Variants in NRG3 observed in about 807,000 individuals in gnomAD.
NRG3 encodes pro-neuregulin-3, membrane-bound isoform.
In NRG3, 31 loss-of-function variants were observed where a neutral mutation model predicts 66.9. That is an observed-to-expected ratio of 0.46 (90% confidence interval 0.35 to 0.63). The LOEUF (loss-of-function observed/expected upper bound fraction) is 0.63, where lower values mean the gene tolerates loss of function less well. NRG3 is among the 20% of genes least tolerant of loss of function. The pLI, the probability that NRG3 is intolerant of heterozygous loss-of-function variation, is 0.00. For missense variants in NRG3, 910 were observed against 878.9 expected (o/e 1.04, Z -0.45); for synonymous variants, 393 against 359.4 (o/e 1.09, Z -1.06).
At chr10:82,148,367 C>T (rs1016266908) in intron 1 of NRG3, among the ~76,000 whole-genome samples, 3 of 152,094 alleles carry the variant, frequency 2.0e-5, no homozygotes, top group Admixed American at 1.3e-4. Flanking sequence ...AAATATCACT[C>T]ATATTTTAGT....
intron 3 of NRG3, among the ~76,000 whole-genome samples, chr10:82,814,876 A>T (rs1319309220): frequency 3.3e-5 from 5 of 152,192 alleles, no homozygotes; most frequent in African/African-American, 9.7e-5. Flanking sequence ...TTTAATCCTC[A>T]CAACTCTGTG....
chr10:82,387,770 G>A (rs892222834), intron 2 of NRG3, among the ~76,000 whole-genome samples: 1 of 152,104 alleles, frequency 6.6e-6, no homozygotes, highest in African/African-American at 2.4e-5. Flanking sequence ...GTAAGTTCAT[G>A]ATTAAATCAA....
At chr10:82,121,534 C>T (rs370675790) in intron 1 of NRG3, among the ~76,000 whole-genome samples, 6 of 152,126 alleles carry the variant, frequency 3.9e-5, no homozygotes, top group Non-Finnish European at 5.9e-5. Flanking sequence ...ATTAGGATTG[C>T]GTGTCCTCTG....
At chr10:82,397,550 C>G (rs2086791829) in intron 2 of NRG3, among the ~76,000 whole-genome samples, 1 of 152,010 alleles carries the variant, frequency 6.6e-6, no homozygotes, top group African/African-American at 2.4e-5. Context: ...TCTGCTTGTC[C>G]CATTCAGTAT....
intron 2 of NRG3, among the ~76,000 whole-genome samples, chr10:82,698,671 C>T (rs754816483): frequency 3.3e-5 from 5 of 152,072 alleles, no homozygotes; most frequent in Non-Finnish European, 7.4e-5. Context: ...ACTTACCAAA[C>T]CTTTTGGAGT....
chr10:81,967,195 A>G (rs2059764233), intron 1 of NRG3, among the ~76,000 whole-genome samples: 1 of 151,898 alleles, frequency 6.6e-6, no homozygotes, highest in African/African-American at 2.4e-5. Flanking sequence ...TATAATTCAT[A>G]GGTGTTAAGT....
intron 3 of NRG3, among the ~76,000 whole-genome samples, chr10:82,835,954 T>G (rs2062753742): frequency 6.6e-6 from 1 of 152,154 alleles, no homozygotes; most frequent in African/African-American, 2.4e-5. Context: ...AAGGACTGTT[T>G]AGAGCGAGGG....
chr10:82,714,312 AT>A (rs1263856682), intron 2 of NRG3, among the ~76,000 whole-genome samples: 1 of 152,136 alleles, frequency 6.6e-6, no homozygotes, highest in African/African-American at 2.4e-5. Flanking sequence ...TTAAAAAAAA[AT>A]GTGGATGGAT....
At chr10:82,804,732 C>T (rs1045281034) in intron 3 of NRG3, among the ~76,000 whole-genome samples, 4 of 152,160 alleles carry the variant, frequency 2.6e-5, no homozygotes, top group Non-Finnish European at 4.4e-5. Flanking sequence ...CATCCAGACA[C>T]CACTTTCTTG....
intron 2 of NRG3, among the ~76,000 whole-genome samples, chr10:82,716,311 C>G (rs995410471): frequency 4.6e-5 from 7 of 152,106 alleles, no homozygotes; most frequent in Admixed American, 4.6e-4. Context: ...ATACACATAT[C>G]TCATCTATAT....
intron 2 of NRG3, among the ~76,000 whole-genome samples, chr10:82,715,677 G>A (rs969411188): frequency 1.1e-4 from 17 of 152,230 alleles, no homozygotes; most frequent in East Asian, 3.9e-4. Flanking sequence ...TATTTTAAAC[G>A]AATTTGTGTC....
At position 82,724,549 on chromosome 10, in the gene NRG3, G is replaced by A. The variant is rs561401216; in HGVS notation, c.954-14028G>A. ...TGGCAACTCTAGGGGTTTCTAAAAT[G>A]CCTTGTAGAAAAATCATGTTTCATG... On this transcript the variant is annotated intron_variant, in intron 2 of 8. Transcript: ENST00000372141. Among the ~76,000 whole-genome samples, 31 of 152,254 alleles carry A rather than the reference G, an allele frequency of 2.0e-4. No individual in the cohort carries two copies. In the South Asian group the frequency reaches 6.4e-3, roughly 32 times the overall value.
At chr10:82,056,088 A>T (rs2207766) in intron 1 of NRG3, among the ~76,000 whole-genome samples, 135,617 of 152,188 alleles carry the variant, frequency 0.89, 60,846 homozygotes, top group Middle Eastern at 0.98. Flanking sequence ...TGTGCCTTTT[A>T]AAAAATTTTG....
chr10:81,902,006 C>T (rs538187530), intron 1 of NRG3, among the ~76,000 whole-genome samples: 4 of 152,228 alleles, frequency 2.6e-5, no homozygotes, highest in African/African-American at 9.6e-5. Context: ...TAACTTCCTG[C>T]CTATATAAGG....
intron 1 of NRG3, among the ~76,000 whole-genome samples, chr10:82,017,307 G>A (rs1425288045): frequency 6.6e-6 from 1 of 152,080 alleles, no homozygotes; most frequent in Non-Finnish European, 1.5e-5. Context: ...GTGTATATGT[G>A]CCACATTTTC....
chr10:82,579,221 CTG>C (rs1441990320), intron 2 of NRG3, among the ~76,000 whole-genome samples: 1 of 151,518 alleles, frequency 6.6e-6, no homozygotes, highest in Non-Finnish European at 1.5e-5. Context: ...ATTAAGGAAA[CTG>C]TATACTGCAA....
At chr10:82,746,766 T>C (rs1432344441) in intron 3 of NRG3, among the ~76,000 whole-genome samples, 2 of 150,700 alleles carry the variant, frequency 1.3e-5, no homozygotes, top group Admixed American at 6.6e-5. Context: ...CATACCTTAT[T>C]ACACAATATA....
At chr10:82,408,791 A>G (rs1192027346) in intron 2 of NRG3, among the ~76,000 whole-genome samples, 2 of 151,940 alleles carry the variant, frequency 1.3e-5, no homozygotes, top group Non-Finnish European at 2.9e-5. Context: ...AGGAAGTCAC[A>G]TAGACTAAGA....
At chr10:82,950,078 G>C (rs182736943) in intron 4 of NRG3, among the ~76,000 whole-genome samples, 49 of 152,086 alleles carry the variant, frequency 3.2e-4, no homozygotes, top group Non-Finnish European at 6.0e-4. Context: ...CCGACATTCT[G>C]TACTCACTCC....
Sources: gnomAD v4.1 joint callset for allele counts (sites outside exome capture counted in the v4.1 genomes callset) on GRCh38, gnomAD v4.1.1 for gene constraint, MANE v1.5 for transcripts, NCBI Gene and HGNC (gene_info 2026-07-23, HGNC 2026-07-21) for gene names.